Variants in LMO7 observed in about 807,000 individuals in gnomAD.
The protein encoded by LMO7 is LIM domain only protein 7.
Under a neutral mutation model 206.5 loss-of-function variants are expected in LMO7, and 120 were observed. The observed-to-expected ratio is 0.58, with a 90% CI of 0.50 to 0.68. LMO7 has a LOEUF of 0.68. Among genes scored for constraint, LMO7 ranks in the 30% least tolerant of loss-of-function variants. LMO7 has a pLI of 0.00. For missense variants in LMO7, 1,959 were observed against 1,957.9 expected, an observed-to-expected ratio of 1.00 and a Z score of -0.01; for synonymous variants, 706 against 681.5, an observed-to-expected ratio of 1.04 and a Z score of -0.56.
intron 2 of LMO7, among the ~76,000 whole-genome samples, chr13:75,630,657 CCT>C (rs546708541): frequency 1.4e-3 from 218 of 152,084 alleles, no homozygotes; most frequent in African/African-American, 5.0e-3. Context: ...AGAGTGAGAC[CCT>C]GTCTCAAAAA....
chr13:75,845,763 C>A (rs1595494471), intron 26 of LMO7, among the ~76,000 whole-genome samples: 1 of 151,962 alleles, frequency 6.6e-6, no homozygotes, highest in Non-Finnish European at 1.5e-5. Flanking sequence ...ATGTAAATGC[C>A]AAAATGTCAA....
chr13:75,838,078 T>G (rs1459355708), intron 19 of LMO7, 62 bp from the exon 20 acceptor site: 11 of 1,003,014 alleles, frequency 1.1e-5, no homozygotes, highest in Non-Finnish European at 1.7e-5. Flanking sequence ...CAAGTATCGT[T>G]TAATTTACCA....
In LMO7 at chr13:75,713,068, A is replaced by G. The variant is rs2043248070; in HGVS notation, c.70-114A>G. 1.7e-5 allele frequency: 10 copies of G among 601,410 alleles called. No individual in the cohort carries two copies. The East Asian group carries it at 2.3e-4, about 14-fold the overall frequency. The allele number at this position is 601,410 out of a possible 1,614,324, so 37.3% of individuals were successfully genotyped here. On this transcript the variant is annotated intron_variant, in intron 1 of 30. Coordinates refer to ENST00000377534, the MANE Select transcript of LMO7 (RefSeq NM_001306080.2). ...CAGATTATAGGATATAACAGTCTAT[A>G]TATGCAAATCCTTCAAGTATAACAT...
chr13:75,852,231 T>TAAATAA (rs1276059688), intron 27 of LMO7, among the ~76,000 whole-genome samples: 3 of 152,112 alleles, frequency 2.0e-5, no homozygotes, highest in South Asian at 2.1e-4. Flanking sequence ...AAGCACTGAG[T>TAAATAA]AAATAAAAAT....
At chr13:75,737,765 AAT>A (rs1555305687) in intron 3 of LMO7, among the ~76,000 whole-genome samples, 690 of 23,034 alleles carry the variant, frequency 0.03, 18 homozygotes, top group Non-Finnish European at 0.041. Flanking sequence ...AAAAAAAAAA[AAT>A]AAAATAAAAT....
intron 9 of LMO7, chr13:75,806,238 C>A: frequency 4.0e-6 from 4 of 990,982 alleles, no homozygotes; most frequent in Non-Finnish European, 4.8e-6. Context: ...CCAGGAGAAG[C>A]AGTAGTGCTT....
chr13:75,719,595 C>G (rs2043853462), intron 2 of LMO7, among the ~76,000 whole-genome samples: 1 of 152,086 alleles, frequency 6.6e-6, no homozygotes, highest in Non-Finnish European at 1.5e-5. Context: ...TGGCACTTCC[C>G]CCTTCACTTG....
At chr13:75,729,586 G>A (rs959321960) in intron 3 of LMO7, among the ~76,000 whole-genome samples, 3 of 151,014 alleles carry the variant, frequency 2.0e-5, no homozygotes, top group African/African-American at 7.3e-5. Context: ...GGGACAATTT[G>A]ACTTCCTCTT....
At chr13:75,853,560 A>C (rs1207962699) in intron 28 of LMO7, among the ~76,000 whole-genome samples, 172 bp downstream of exon 28, 1 of 152,188 alleles carries the variant, frequency 6.6e-6, no homozygotes, top group African/African-American at 2.4e-5. Context: ...ATACCATTCC[A>C]TGCAACTCTA....
At chr13:75,670,499 A>T (rs1334076663) in intron 1 of LMO7, among the ~76,000 whole-genome samples, 2 of 152,240 alleles carry the variant, frequency 1.3e-5, no homozygotes, top group African/African-American at 4.8e-5. Context: ...CTAGGCTACA[A>T]ACCTGTGCTG....
intron 1 of LMO7, among the ~76,000 whole-genome samples, chr13:75,670,726 C>T (rs1192291603): frequency 1.3e-5 from 2 of 152,152 alleles, no homozygotes; most frequent in African/African-American, 4.8e-5. Context: ...AGGCCTAGGA[C>T]ATTACTGTAC....
intron 28 of LMO7, among the ~76,000 whole-genome samples, chr13:75,854,505 C>G (rs931689781): frequency 1.3e-5 from 2 of 152,050 alleles, no homozygotes; most frequent in Non-Finnish European, 2.9e-5. Context: ...GAGGGCTTTT[C>G]TGACCTAAGA....
chr13:75,671,025 A>T (rs866169155), intron 1 of LMO7, among the ~76,000 whole-genome samples: 1 of 146,190 alleles, frequency 6.8e-6, no homozygotes, highest in Non-Finnish European at 1.5e-5. Flanking sequence ...CACAAACACC[A>T]GGATTAGCCT....
At chr13:75,684,378 A>G (rs975926693) in intron 1 of LMO7, among the ~76,000 whole-genome samples, 1 of 151,808 alleles carries the variant, frequency 6.6e-6, no homozygotes, top group African/African-American at 2.4e-5. Context: ...AGTAGCTGGG[A>G]TTACAGGCAT....
chr13:75,761,933 A>G (rs2048270939), intron 4 of LMO7, among the ~76,000 whole-genome samples: 2 of 152,182 alleles, frequency 1.3e-5, no homozygotes, highest in Non-Finnish European at 2.9e-5. Context: ...GATTTAACTT[A>G]TGTGGTTAAT....
intron 4 of LMO7, among the ~76,000 whole-genome samples, chr13:75,769,626 T>G (rs1413723107): frequency 6.6e-6 from 1 of 152,112 alleles, no homozygotes; most frequent in Non-Finnish European, 1.5e-5. Flanking sequence ...ATAAGCCAAT[T>G]TTTCCTAAGC....
chr13:75,829,613 A>T (rs917976943), intron 15 of LMO7, among the ~76,000 whole-genome samples: 17 of 152,328 alleles, frequency 1.1e-4, no homozygotes, highest in Middle Eastern at 3.4e-3. Flanking sequence ...TAACTTTAAC[A>T]ACTAAGTAGG....
chr13:75,746,167 A>C (rs894319837), intron 3 of LMO7, among the ~76,000 whole-genome samples: 3 of 152,132 alleles, frequency 2.0e-5, no homozygotes, highest in African/African-American at 4.8e-5. Context: ...CCAGTAGTTT[A>C]TTGAGTTAAT....
chr13:75,740,615 G>C (rs950504875), intron 3 of LMO7, among the ~76,000 whole-genome samples: 1 of 152,196 alleles, frequency 6.6e-6, no homozygotes, highest in Non-Finnish European at 1.5e-5. Flanking sequence ...TGATTTTGTA[G>C]ATTTGTTTGA....
Sources: gnomAD v4.1 joint callset for allele counts (sites outside exome capture counted in the v4.1 genomes callset) on GRCh38, gnomAD v4.1.1 for gene constraint, MANE v1.5 for transcripts, NCBI Gene and HGNC (gene_info 2026-07-23, HGNC 2026-07-21) for gene names.